FSTL5: variants seen among roughly 807,000 people sequenced by gnomAD.
FSTL5 encodes follistatin-related protein 5.
Under a neutral mutation model 89.1 loss-of-function variants are expected in FSTL5, and 62 were observed. The observed-to-expected ratio is 0.70, with a 90% CI of 0.57 to 0.86. The LOEUF is 0.86. Ranked by LOEUF, FSTL5 falls within the 40% of genes least tolerant of loss-of-function variation. FSTL5 has a pLI of 0.00. For synonymous variants in FSTL5, 383 were observed against 346.2 expected, an observed-to-expected ratio of 1.11 and a Z score of -1.18; for missense variants, 1,057 against 1,001.6, an observed-to-expected ratio of 1.06 and a Z score of -0.75.
At position 162,141,110 on chromosome 4, in the gene FSTL5, T is replaced by C. The variant is rs1418322042; in HGVS notation, c.-17+22505A>G. ...TGGCACCTCCCTCCCTTCTCTCTTT[T>C]TTTTTTTTTTTTTTTTTTTTTTTTG... On this transcript the variant is annotated intron_variant, in intron 1 of 15. Coordinates refer to ENST00000306100, the MANE Select transcript of FSTL5 (RefSeq NM_020116.5). Among the ~76,000 whole-genome samples the C allele has an allele frequency of 2.1e-3, 173 of 83,812 alleles. 12 individuals carry two copies. Among genetic ancestry groups the C allele is most frequent in the Non-Finnish European group, 4.0e-3 (155 of 38,516 alleles). 55.0% of individuals were successfully genotyped at this position (83,812 alleles called of 152,430 possible). A position where few individuals can be genotyped will look rare whatever the true frequency, so the allele number is the denominator to read the frequency against.
chr4:161,733,202 T>C (rs1739676871), intron 6 of FSTL5, among the ~76,000 whole-genome samples: 1 of 151,984 alleles, frequency 6.6e-6, no homozygotes, highest in African/African-American at 2.4e-5. Context: ...CCATCATTGG[T>C]CAGATTTGTC....
chr4:161,564,639 A>G (rs1460584049), intron 8 of FSTL5, among the ~76,000 whole-genome samples: 1 of 151,496 alleles, frequency 6.6e-6, no homozygotes, highest in Non-Finnish European at 1.5e-5. Flanking sequence ...ATAATCTTTA[A>G]TCTTTTATTA....
chr4:161,586,504 C>G (rs1359696459), intron 8 of FSTL5, among the ~76,000 whole-genome samples: 3 of 152,168 alleles, frequency 2.0e-5, no homozygotes, highest in Non-Finnish European at 4.4e-5. Flanking sequence ...GACAGAAGTA[C>G]TTTTAAAATA....
intron 3 of FSTL5, among the ~76,000 whole-genome samples, chr4:162,014,841 A>T (rs1011514424): frequency 4.6e-5 from 7 of 152,212 alleles, no homozygotes; most frequent in Non-Finnish European, 8.8e-5. Flanking sequence ...AACTTTATAA[A>T]CACGTTAGTA....
chr4:161,751,791 A>AC (rs33913827), intron 6 of FSTL5, among the ~76,000 whole-genome samples: 2 of 57,170 alleles, frequency 3.5e-5, no homozygotes, highest in African/African-American at 2.8e-4. Context: ...AAAAAAAAAG[A>AC]AAAAAAAAGG....
chr4:161,795,762 A>T (rs1729614333), intron 4 of FSTL5, among the ~76,000 whole-genome samples: 2 of 151,932 alleles, frequency 1.3e-5, no homozygotes, highest in Non-Finnish European at 2.9e-5. Flanking sequence ...AAATTATTTG[A>T]ATTTATTTCT....
At chr4:161,581,048 A>T (rs1462453454) in intron 8 of FSTL5, among the ~76,000 whole-genome samples, 12 of 152,198 alleles carry the variant, frequency 7.9e-5, no homozygotes, top group Non-Finnish European at 1.8e-4. Flanking sequence ...CCTAGATGAC[A>T]ATCAACTGAA....
At chr4:162,029,255 TTAGA>T (rs1244103238) in intron 3 of FSTL5, among the ~76,000 whole-genome samples, 4 of 151,890 alleles carry the variant, frequency 2.6e-5, no homozygotes, top group Non-Finnish European at 5.9e-5. Flanking sequence ...TTTAATTTGA[TTAGA>T]TATAGTCTTA....
chr4:161,802,180 C>T (rs887492320), intron 4 of FSTL5, among the ~76,000 whole-genome samples: 3 of 151,606 alleles, frequency 2.0e-5, no homozygotes, highest in Admixed American at 6.6e-5. Context: ...CCACATCATA[C>T]TTATGTTGCT....
At chr4:161,940,819 AAAAACAAAAC>A (rs201496551) in intron 3 of FSTL5, among the ~76,000 whole-genome samples, 8,507 of 151,898 alleles carry the variant, frequency 0.056, 317 homozygotes, top group South Asian at 0.084. Context: ...GCAACATGAA[AAAAACAAAAC>A]AAAACAAAAC....
intron 13 of FSTL5, among the ~76,000 whole-genome samples, chr4:161,474,568 C>A (rs1204245490): frequency 7.2e-6 from 1 of 139,404 alleles, no homozygotes; most frequent in Non-Finnish European, 1.5e-5. Context: ...TTGAGATGGG[C>A]GGAGTCTCGC....
chr4:161,743,560 GT>G (rs1170369099), intron 6 of FSTL5, among the ~76,000 whole-genome samples: 8 of 150,748 alleles, frequency 5.3e-5, no homozygotes, highest in East Asian at 1.9e-4. Context: ...ATGAACTTTA[GT>G]TTTTTTTTCT....
At chr4:161,901,120 A>G (rs1733349586) in intron 4 of FSTL5, among the ~76,000 whole-genome samples, 1 of 152,056 alleles carries the variant, frequency 6.6e-6, no homozygotes, top group Non-Finnish European at 1.5e-5. Flanking sequence ...CCGCAATTCC[A>G]GATGCTGAGC....
chr4:161,680,895 T>G (rs1378596482), intron 6 of FSTL5, among the ~76,000 whole-genome samples: 1 of 152,022 alleles, frequency 6.6e-6, no homozygotes. Flanking sequence ...AATTCCATGT[T>G]TTCTATTCTT....
chr4:161,819,031 A>C (rs1170822558), intron 4 of FSTL5, among the ~76,000 whole-genome samples: 4 of 152,096 alleles, frequency 2.6e-5, no homozygotes, highest in Admixed American at 6.6e-5. Flanking sequence ...TCATAAGCTG[A>C]AATAAATAAA....
At chr4:161,578,286 C>G (rs548559981) in intron 8 of FSTL5, among the ~76,000 whole-genome samples, 1 of 151,738 alleles carries the variant, frequency 6.6e-6, no homozygotes, top group East Asian at 1.9e-4. Flanking sequence ...GAATTTATGT[C>G]GTTGAAAAAT....
chr4:161,747,312 T>C (rs1740234289), intron 6 of FSTL5, among the ~76,000 whole-genome samples: 1 of 152,224 alleles, frequency 6.6e-6, no homozygotes, highest in Non-Finnish European at 1.5e-5. Flanking sequence ...CTTCTTTGCC[T>C]GGCTTTCTTC....
intron 6 of FSTL5, among the ~76,000 whole-genome samples, chr4:161,702,324 T>C (rs1486354186): frequency 6.6e-6 from 1 of 152,170 alleles, no homozygotes; most frequent in Non-Finnish European, 1.5e-5. Context: ...TTAAAATTAT[T>C]ACCAGGTCAA....
chr4:161,849,528 TACAC>T (rs35353090), intron 4 of FSTL5, among the ~76,000 whole-genome samples: 101,851 of 147,196 alleles, frequency 0.69, 35,144 homozygotes, highest in East Asian at 0.8. Flanking sequence ...GCCCTCGACC[TACAC>T]ACACACACAC....
Sources: allele counts gnomAD v4.1 joint callset (sites outside exome capture counted in the v4.1 genomes callset), GRCh38; gene constraint gnomAD v4.1.1; transcripts MANE v1.5; gene names NCBI Gene and HGNC (gene_info 2026-07-23, HGNC 2026-07-21).